Variants in TACC2 observed in about 807,000 individuals in gnomAD.
TACC2 encodes transforming acidic coiled-coil-containing protein 2.
TACC2 carries 137 observed loss-of-function variants against 227.3 expected under a neutral mutation model. That is an observed-to-expected ratio of 0.60 (90% CI 0.52 to 0.69). The LOEUF is 0.69. Ranked by LOEUF, TACC2 falls within the 30% of genes least tolerant of loss-of-function variation. The pLI, the probability that TACC2 is intolerant of heterozygous loss-of-function variation, is 0.00. For missense variants in TACC2, 3,470 were observed against 3,694.4 expected (o/e 0.94, Z 1.57); for synonymous variants, 1,523 against 1,487.5 (o/e 1.02, Z -0.55).
intron 6 of TACC2, among the ~76,000 whole-genome samples, chr10:122,135,363 G>A (rs1191434166): frequency 6.6e-6 from 1 of 152,230 alleles, no homozygotes; most frequent in Non-Finnish European, 1.5e-5. Context: ...GAATGCAGGA[G>A]GGGACCAGTG....
chr10:122,006,930 T>G (rs1955242536), intron 1 of TACC2, among the ~76,000 whole-genome samples: 1 of 150,838 alleles, frequency 6.6e-6, no homozygotes, highest in Admixed American at 6.6e-5. Flanking sequence ...GGCGTGATCT[T>G]GGCTCACCGC....
chr10:122,111,909 T>G (rs1355470972), intron 5 of TACC2, among the ~76,000 whole-genome samples: 1 of 148,228 alleles, frequency 6.7e-6, no homozygotes, highest in African/African-American at 2.4e-5. Context: ...AGGAAACCTG[T>G]GATAAGCATG....
At position 122,225,817 on chromosome 10, in the gene TACC2, C is replaced by T. The variant is rs1200778685; in HGVS notation, c.7609-549C>T. On this transcript the variant is annotated intron_variant, in intron 12 of 22. Coordinates refer to ENST00000369005, the MANE Select transcript of TACC2 (RefSeq NM_206862.4). ...GAGATTTCATGGCAGTGCAGAGCAG[C>T]ATACCTGCCGGCCGTTGCAGGGACT... 3.9e-5 allele frequency among the ~76,000 whole-genome samples: 6 copies of T among 152,172 alleles called. No homozygotes were observed. The East Asian group carries it at 1.2e-3, about 29-fold the overall frequency.
chr10:122,139,800 C>T (rs2090265208), intron 6 of TACC2, among the ~76,000 whole-genome samples: 1 of 152,180 alleles, frequency 6.6e-6, no homozygotes, highest in African/African-American at 2.4e-5. Context: ...GATGCTGTCA[C>T]CCATCTGGCC....
intron 3 of TACC2, among the ~76,000 whole-genome samples, chr10:122,069,156 C>T (rs979725916): frequency 6.6e-6 from 1 of 152,180 alleles, no homozygotes; most frequent in African/African-American, 2.4e-5. Flanking sequence ...TTGGGCTCCA[C>T]CTGGAACCCC....
Position 122,083,613 on chromosome 10 carries a change from T to C in TACC2, c.1113T>C (p.Asp371=). 1 of 1,611,994 alleles carries C rather than the reference T, an allele frequency of 6.2e-7. No homozygotes were observed. The highest frequency in any genetic ancestry group is 8.5e-7 in the Non-Finnish European group (1 of 1,180,028). ...GSGKEALDTI[D]VQGHPQTGMR... Reference sequence around the variant, plus strand: ...GGAAGGAGGCTCTGGACACCATTGATGTTCAGGGTCACCCACAGACAGGGA... The same window carrying C: ...GGAAGGAGGCTCTGGACACCATTGACGTTCAGGGTCACCCACAGACAGGGA... The change falls in exon 4 of 23, where the codon GAT becomes GAC. Residue 371 remains aspartate (D), a synonymous_variant. Coordinates refer to ENST00000369005, the MANE Select transcript of TACC2 (RefSeq NM_206862.4).
intron 7 of TACC2, chr10:122,164,086 C>A: frequency 6.9e-7 from 1 of 1,453,064 alleles, no homozygotes; most frequent in Non-Finnish European, 9.4e-7. Context: ...GCCTGTGCAA[C>A]CTGGAGCCCA....
intron 7 of TACC2, among the ~76,000 whole-genome samples, chr10:122,155,448 C>T (rs941856968): frequency 2.0e-5 from 3 of 152,174 alleles, no homozygotes; most frequent in African/African-American, 7.2e-5. Flanking sequence ...AGAACCAGAA[C>T]GTTTTTGTGG....
chr10:122,107,751 G>A (rs1329576391), intron 5 of TACC2, among the ~76,000 whole-genome samples: 3 of 150,538 alleles, frequency 2.0e-5, no homozygotes, highest in African/African-American at 7.3e-5. Context: ...CTTTAGTGGT[G>A]ATTTCTGAGA....
chr10:122,111,118 G>A (rs897729557), intron 5 of TACC2, among the ~76,000 whole-genome samples: 4 of 152,070 alleles, frequency 2.6e-5, no homozygotes, highest in Non-Finnish European at 5.9e-5. Context: ...GATGACATTG[G>A]GTCCACCTGG....
intron 19 of TACC2, among the ~76,000 whole-genome samples, chr10:122,243,641 A>G (rs2096054513): frequency 6.6e-6 from 1 of 152,208 alleles, no homozygotes; most frequent in South Asian, 2.1e-4. Context: ...TTGGAGTTGA[A>G]AATGCTGGCA....
intron 7 of TACC2, among the ~76,000 whole-genome samples, chr10:122,146,680 CTG>C (rs1166264815): frequency 6.6e-6 from 1 of 152,298 alleles, no homozygotes; most frequent in African/African-American, 2.4e-5. Flanking sequence ...GACTCCATAA[CTG>C]TAAGAAAACA....
In TACC2 at chr10:122,087,850, C is replaced by T; in HGVS notation, c.5350C>T (p.Pro1784Ser). ...TAAGGAGCAGCCAGGGCCTGAGCGC[C>T]CCATTCCAGCTGGGGATGGGAAGGT... is the stretch of plus-strand genomic sequence containing the variant. ...QAKEQPGPER[P>S]IPAGDGKVCV... Residue 1784 changes from proline to serine, a missense_variant, in exon 4 of 23, where the codon CCC (proline) becomes TCC (serine). Transcript: ENST00000369005. The T allele has an allele frequency of 6.6e-7, 1 of 1,526,120 alleles. No homozygotes were observed. 94.5% of individuals were successfully genotyped at this position (1,526,120 alleles called of 1,614,324 possible).
intron 6 of TACC2, among the ~76,000 whole-genome samples, chr10:122,142,660 GGCTGTGAC>G (rs2090782789): frequency 6.6e-6 from 1 of 152,198 alleles, no homozygotes; most frequent in South Asian, 2.1e-4. Context: ...TCACTGCAAG[GGCTGTGAC>G]GCCACAAACC....
chr10:122,034,702 T>C (rs11200359), intron 2 of TACC2, among the ~76,000 whole-genome samples: 54,592 of 151,438 alleles, frequency 0.36, 10,296 homozygotes, highest in South Asian at 0.46. Context: ...GAGGCCGAGG[T>C]GGGTGGATCA....
At chr10:122,136,698 C>T (rs965927530) in intron 6 of TACC2, among the ~76,000 whole-genome samples, 4 of 151,884 alleles carry the variant, frequency 2.6e-5, no homozygotes, top group Admixed American at 2.0e-4. Context: ...GGATTACAGG[C>T]GTGCACCACC....
At chr10:122,112,306 GGAGT>G (rs1013888811) in intron 5 of TACC2, among the ~76,000 whole-genome samples, 2 of 152,204 alleles carry the variant, frequency 1.3e-5, no homozygotes, top group African/African-American at 4.8e-5. Context: ...TGTCAGTGAA[GGAGT>G]TAGTTAGGCC....
intron 5 of TACC2, among the ~76,000 whole-genome samples, chr10:122,105,188 T>C (rs766524495): frequency 6.6e-6 from 1 of 152,188 alleles, no homozygotes; most frequent in African/African-American, 2.4e-5. Context: ...ACAAATCAGA[T>C]GTATGAACTT....
At chr10:122,246,636 G>A (rs564385031) in intron 19 of TACC2, 8 of 152,234 alleles carry the variant, frequency 5.3e-5, no homozygotes, top group Non-Finnish European at 7.3e-5. Flanking sequence ...AAAGCTGCCC[G>A]GGTGGTTGTG....
Sources: allele counts gnomAD v4.1 joint callset (sites outside exome capture counted in the v4.1 genomes callset), GRCh38; gene constraint gnomAD v4.1.1; transcripts MANE v1.5; gene names NCBI Gene and HGNC (gene_info 2026-07-23, HGNC 2026-07-21).